The following METTL9 variants were observed in gnomAD, a reference collection of about 807,000 sequenced individuals.
METTL9 encodes protein-L-histidine N-pros-methyltransferase.
A neutral mutation model predicts 36.0 loss-of-function variants in METTL9; 10 were observed. The observed-to-expected ratio is 0.28, with a 90% confidence interval of 0.17 to 0.47. The LOEUF (loss-of-function observed/expected upper bound fraction) is 0.47, where lower values mean the gene tolerates loss of function less well. Ranked by LOEUF, METTL9 falls within the 20% of genes least tolerant of loss-of-function variation. The pLI is 0.99. For missense variants in METTL9, 246 were observed against 383.5 expected (o/e 0.64, Z 3.00); for synonymous variants, 175 against 149.7 (o/e 1.17, Z -1.23).
chr16:21,634,706 G>A (rs1308951866), intron 4 of METTL9, among the ~76,000 whole-genome samples: 1 of 152,120 alleles, frequency 6.6e-6, no homozygotes, highest in Non-Finnish European at 1.5e-5. Context: ...ATCTGCAGCC[G>A]ATTGGGTAAT....
chr16:21,642,071 A>G (rs1966286019), intron 4 of METTL9: 2 of 152,358 alleles, frequency 1.3e-5, no homozygotes, highest in African/African-American at 4.8e-5. Context: ...CTTTGGCAGC[A>G]CATACACTAA....
At chr16:21,635,299 C>T (rs1417018117) in intron 4 of METTL9, among the ~76,000 whole-genome samples, 2 of 152,058 alleles carry the variant, frequency 1.3e-5, no homozygotes, top group East Asian at 1.9e-4. Flanking sequence ...GGAACATAAC[C>T]GATAGCCTGG....
intron 1 of METTL9, among the ~76,000 whole-genome samples, chr16:21,608,806 T>C (rs910838086): frequency 6.6e-6 from 1 of 152,212 alleles, no homozygotes; most frequent in African/African-American, 2.4e-5. Context: ...TTAGTTACTA[T>C]CTAGACCAGA....
upstream of METTL9, among the ~76,000 whole-genome samples, chr16:21,598,669 A>T (rs774322372): frequency 2.0e-5 from 3 of 152,180 alleles, no homozygotes. Flanking sequence ...TCAGTTCTGA[A>T]ATGTTGCTAG....
chr16:21,627,360 G>A, intron 4 of METTL9: 1 of 985,054 alleles, frequency 1.0e-6, no homozygotes. Flanking sequence ...TTGGTAAATG[G>A]CTTGAAGTTG....
intron 4 of METTL9, among the ~76,000 whole-genome samples, chr16:21,632,584 C>G (rs535185133): frequency 6.6e-6 from 1 of 152,104 alleles, no homozygotes; most frequent in Non-Finnish European, 1.5e-5. Flanking sequence ...TTGAGGGCCA[C>G]GCACATACGT....
chr16:21,640,280 G>A (rs2141607740), intron 4 of METTL9: 1 of 152,098 alleles, frequency 6.6e-6, no homozygotes, highest in East Asian at 1.9e-4. Context: ...AGGTTGTAAG[G>A]TTGTAATTTG....
intron 4 of METTL9, chr16:21,643,562 C>G: frequency 6.2e-7 from 1 of 1,605,698 alleles, no homozygotes. Context: ...TGTGAGTCTT[C>G]TTTTATTTCT....
intron 1 of METTL9, among the ~76,000 whole-genome samples, chr16:21,608,792 G>A (rs1401675874): frequency 1.3e-5 from 2 of 152,152 alleles, no homozygotes; most frequent in Non-Finnish European, 2.9e-5. Flanking sequence ...TGGCTTACAG[G>A]ACTTTAGTTA....
intron 3 of METTL9, among the ~76,000 whole-genome samples, chr16:21,618,626 T>C (rs1279044359): frequency 1.3e-5 from 2 of 152,194 alleles, no homozygotes; most frequent in African/African-American, 4.8e-5. Flanking sequence ...TTATATACAT[T>C]AGCTCCTTGT....
At chr16:21,646,224 T>C (rs965131304) in intron 4 of METTL9, among the ~76,000 whole-genome samples, 3 of 152,030 alleles carry the variant, frequency 2.0e-5, no homozygotes, top group Non-Finnish European at 4.4e-5. Context: ...AAATTACTGA[T>C]AGGATTTAGC....
At chr16:21,654,166 C>CA (rs1180100889) in intron 4 of METTL9, 1 of 151,784 alleles carries the variant, frequency 6.6e-6, no homozygotes, top group Non-Finnish European at 1.5e-5. Context: ...CTCAGCCTCC[C>CA]AAGTAGCTGG....
intron 4 of METTL9, among the ~76,000 whole-genome samples, chr16:21,639,084 G>C (rs1228311152): frequency 1.3e-5 from 2 of 152,096 alleles, no homozygotes; most frequent in African/African-American, 4.8e-5. Flanking sequence ...AACAAAATAA[G>C]AAACTCTTCC....
rs1965153271 is a variant in METTL9 at position 21,602,249 on chromosome 16, G to A, written c.165+2351G>A. On this transcript the variant is annotated intron_variant, in intron 1 of 4. Coordinates refer to ENST00000358154, the MANE Select transcript of METTL9 (RefSeq NM_016025.5). ...CATACTTAGCAAAAGTGTTCCTTCT[G>A]GTTATTTTATTAAGGAATTATGATG... Among the ~76,000 whole-genome samples, 7 of 152,104 alleles carry A rather than the reference G, an allele frequency of 4.6e-5. 1 individual carries two copies. The South Asian group carries it at 1.2e-3, about 27-fold the overall frequency.
At chr16:21,625,619 A>G (rs1392776980) in intron 4 of METTL9, among the ~76,000 whole-genome samples, 4 of 151,958 alleles carry the variant, frequency 2.6e-5, no homozygotes, top group African/African-American at 9.7e-5. Context: ...TTTCTGTAAC[A>G]TTTGATTTTT....
At chr16:21,650,998 C>G (rs986014947) in intron 4 of METTL9, among the ~76,000 whole-genome samples, 1 of 152,100 alleles carries the variant, frequency 6.6e-6, no homozygotes, top group African/African-American at 2.4e-5. Flanking sequence ...CCGAGGCGGG[C>G]GGATCACGAG....
Position 21,611,412 on chromosome 16 carries a change from AGGTCG to A in METTL9, c.166-1232_166-1228del, listed in dbSNP as rs1400904803. Among the ~76,000 whole-genome samples, 15 of 152,366 alleles carry A rather than the reference AGGTCG, an allele frequency of 9.8e-5. No individual in the cohort carries two copies. In the East Asian group the frequency reaches 2.9e-3, roughly 29 times the overall value. ...TTATGGGACGTCTACTGCTGATAAAAGGTCGTATTTGTCAAGGGGAAGCAAATTAC... is the reference window on the plus strand; with the variant it reads ...TTATGGGACGTCTACTGCTGATAAAATATTTGTCAAGGGGAAGCAAATTAC... On this transcript the variant is annotated intron_variant, in intron 1 of 4. Coordinates refer to ENST00000358154, the MANE Select transcript of METTL9 (RefSeq NM_016025.5).
rs1966723128 is a variant in METTL9, at chr16:21,656,933, G to C, written c.*1501G>C. Reference sequence around the variant, plus strand: ...TAATGATTTTTTTCCAGGAATTCAAGTAAGTGAAGTACAAATACTTAGCAC... The same window carrying C: ...TAATGATTTTTTTCCAGGAATTCAACTAAGTGAAGTACAAATACTTAGCAC... On this transcript the variant is annotated 3_prime_UTR_variant, in exon 5 of 5. Coordinates refer to ENST00000358154, the MANE Select transcript of METTL9 (RefSeq NM_016025.5). The C allele has an allele frequency of 6.6e-6, 1 of 152,088 alleles. No individual in the cohort carries two copies. 9.4% of individuals were successfully genotyped at this position (152,088 alleles called of 1,614,324 possible). A position where few individuals can be genotyped will look rare whatever the true frequency, so the allele number is the denominator to read the frequency against.
chr16:21,607,263 C>T (rs1031151439), intron 1 of METTL9, among the ~76,000 whole-genome samples: 2 of 152,018 alleles, frequency 1.3e-5, no homozygotes, highest in East Asian at 3.9e-4. Context: ...TTAGTAGAGA[C>T]GGGGTTTCAC....
Sources: gnomAD v4.1 joint callset for allele counts (sites outside exome capture counted in the v4.1 genomes callset) on GRCh38, gnomAD v4.1.1 for gene constraint, MANE v1.5 for transcripts, NCBI Gene and HGNC (gene_info 2026-07-23, HGNC 2026-07-21) for gene names.